ZNF215: variants seen among roughly 807,000 people sequenced by gnomAD.
ZNF215 encodes zinc finger protein 215.
ZNF215 carries 24 observed loss-of-function variants against 27.2 expected under a neutral mutation model. The ratio of observed to expected loss-of-function variants is 0.88; its 90% CI spans 0.64 to 1.24. The LOEUF is 1.24. Among genes scored for constraint, ZNF215 ranks in the 50% most tolerant of loss-of-function variants. ZNF215 has a pLI of 0.00. For missense variants in ZNF215, 675 were observed against 605.7 expected, an observed-to-expected ratio of 1.11 and a Z score of -1.20; for synonymous variants, 210 against 204.0, an observed-to-expected ratio of 1.03 and a Z score of -0.25.
At chr11:6,944,393 CT>C (rs74576992) in intron 6 of ZNF215, among the ~76,000 whole-genome samples, 718 of 136,530 alleles carry the variant, frequency 5.3e-3, no homozygotes, top group Non-Finnish European at 5.7e-3. Context: ...TCCATTTTTC[CT>C]TTTTTTTTTT....
chr11:6,972,503 A>C (rs1446842521), intron 5 of ZNF215, among the ~76,000 whole-genome samples: 1 of 152,108 alleles, frequency 6.6e-6, no homozygotes, highest in East Asian at 1.9e-4. Flanking sequence ...GAATAACTAC[A>C]AATACTGTAA....
At position 6,980,183 on chromosome 11, in the gene ZNF215, T is replaced by C. The variant is rs563473888; in HGVS notation, c.806-3946T>C. Among the ~76,000 whole-genome samples the C allele has an allele frequency of 1.7e-3, 254 of 152,186 alleles. 1 individual carries two copies. Among genetic ancestry groups the C allele is most frequent in the African/African-American group, 5.8e-3 (241 of 41,554 alleles). ...TGCCTTTTGTGTTTGTTAAAATTAC[T>C]GCAGTCATTGGAAGAAATCAAAATA... On this transcript the variant is annotated intron_variant, in intron 5 of 5. Transcript: ENST00000529903.
chr11:6,976,625 A>T (rs1367799889), intron 5 of ZNF215, among the ~76,000 whole-genome samples: 2 of 152,018 alleles, frequency 1.3e-5, no homozygotes, highest in Non-Finnish European at 2.9e-5. Flanking sequence ...TTTAAGAAGA[A>T]ATTGCTTCCT....
intron 2 of ZNF215, among the ~76,000 whole-genome samples, chr11:6,930,416 T>A (rs1004567327): frequency 6.6e-6 from 1 of 152,200 alleles, no homozygotes; most frequent in Non-Finnish European, 1.5e-5. Context: ...CACACTTAGG[T>A]CTCCAACTCT....
At chr11:6,955,578 C>A in intron 6 of ZNF215, 112 bp from the exon 7 acceptor site, 1 of 1,144,344 alleles carries the variant, frequency 8.7e-7, no homozygotes, top group Non-Finnish European at 1.2e-6. Context: ...CCTCACATTT[C>A]CATTCTGTAT....
intron 5 of ZNF215, chr11:6,983,987 CG>C (rs1352987106): frequency 1.3e-5 from 3 of 233,668 alleles, no homozygotes; most frequent in African/African-American, 7.1e-5. Context: ...TGAGACTAAA[CG>C]CCTAAAACAT....
At chr11:6,960,939 G>A (rs1029387718), downstream of ZNF215, among the ~76,000 whole-genome samples, 1 of 152,112 alleles carries the variant, frequency 6.6e-6, no homozygotes, top group African/African-American at 2.4e-5. Flanking sequence ...TGTCAGAGAA[G>A]TTTTGTTATT....
exon 6 of ZNF215, chr11:6,984,277 T>G: frequency 4.2e-6 from 1 of 240,788 alleles, no homozygotes; most frequent in South Asian, 3.8e-5. Flanking sequence ...CTAGCTAATT[T>G]TTTGTGTTTC....
At chr11:6,955,449 A>G (rs1850291667) in intron 6 of ZNF215, among the ~76,000 whole-genome samples, 1 of 152,132 alleles carries the variant, frequency 6.6e-6, no homozygotes. Context: ...AAGATATTTT[A>G]CTCGAGCCCT....
rs757318809 is a variant in ZNF215 at position 6,956,722 on chromosome 11, G to C, written c.*191G>C. On this transcript the variant is annotated 3_prime_UTR_variant, in exon 7 of 7. Transcript: ENST00000278319. ...GAAATCTGTTTGAAGGAATTTTCCT[G>C]GTTTTCAGATGAAGCCATAAGGCTT... The C allele has an allele frequency of 2.2e-6, 3 of 1,373,852 alleles. No homozygotes were observed. The African/African-American group carries it at 4.4e-5, about 20-fold the overall frequency. The allele number at this position is 1,373,852 out of a possible 1,614,324, so 85.1% of individuals were successfully genotyped here. A position where few individuals can be genotyped will look rare whatever the true frequency, so the allele number is the denominator to read the frequency against.
intron 5 of ZNF215, among the ~76,000 whole-genome samples, chr11:6,963,456 A>G (rs1850558043): frequency 1.3e-5 from 2 of 152,104 alleles, no homozygotes; most frequent in South Asian, 4.1e-4. Context: ...ACTATATATG[A>G]ACCATCTGAG....
chr11:6,962,706 C>G (rs994113451), downstream of ZNF215, among the ~76,000 whole-genome samples: 1 of 152,048 alleles, frequency 6.6e-6, no homozygotes, highest in Non-Finnish European at 1.5e-5. Context: ...GGATTTGTTA[C>G]AAATATCAGT....
chr11:6,993,269 G>A (rs148134388), downstream of ZNF215, among the ~76,000 whole-genome samples: 5 of 152,184 alleles, frequency 3.3e-5, no homozygotes, highest in South Asian at 2.1e-4. Flanking sequence ...TCTGCAACTC[G>A]CCTTGAATTC....
downstream of ZNF215, among the ~76,000 whole-genome samples, chr11:6,986,953 C>T (rs971837088): frequency 6.6e-6 from 1 of 152,136 alleles, no homozygotes; most frequent in African/African-American, 2.4e-5. Flanking sequence ...TAAACTAGTT[C>T]AGCCAACCGT....
In ZNF215 at chr11:6,955,875, G is replaced by T; in HGVS notation, c.898G>T (p.Asp300Tyr). 6.2e-7 allele frequency: 1 copy of T among 1,610,498 alleles called. No individual in the cohort carries two copies. The highest frequency in any genetic ancestry group is 8.5e-7 in the Non-Finnish European group (1 of 1,179,130). Residue 300 changes from aspartate (D) to tyrosine (Y), a missense_variant, in exon 7 of 7, where the codon GAT becomes TAT. Coordinates refer to ENST00000278319, the MANE Select transcript of ZNF215 (RefSeq NM_013250.4). ...IPETIYTEEE[D>Y]FECSENKKSF... Reference sequence around the variant, plus strand: ...TGAGACAATTTACACTGAGGAGGAAGATTTTGAATGTAGTGAAAATAAGAA... The same window carrying T: ...TGAGACAATTTACACTGAGGAGGAATATTTTGAATGTAGTGAAAATAAGAA...
rs757793977 is a variant in ZNF215 at position 6,932,431 on chromosome 11, T to C, written c.159T>C (p.His53=). 2 of 1,614,182 alleles carry C rather than the reference T, an allele frequency of 1.2e-6. No individual in the cohort carries two copies. The highest frequency in any genetic ancestry group is 1.7e-6 in the Non-Finnish European group (2 of 1,180,016). The change falls in exon 3 of 7, where the codon CAT becomes CAC. Residue 53 remains histidine (H), a synonymous_variant. Transcript: ENST00000278319. ...AGGCATCTCGTCAAAAGTTCAGACATTTCCAGTATTTGAAAGTGTCTGGGC... is the reference window on the plus strand; with the variant it reads ...AGGCATCTCGTCAAAAGTTCAGACACTTCCAGTATTTGAAAGTGTCTGGGC... ...DSEASRQKFR[H]FQYLKVSGPH... is the part of the protein sequence containing the mutation.
chr11:6,986,175 A>G (rs550881214), downstream of ZNF215, among the ~76,000 whole-genome samples: 3 of 152,312 alleles, frequency 2.0e-5, no homozygotes, highest in South Asian at 6.2e-4. Context: ...TGGTATAAAA[A>G]CAGACACATA....
At chr11:6,965,420 A>G (rs1417554538) in intron 5 of ZNF215, among the ~76,000 whole-genome samples, 1 of 152,108 alleles carries the variant, frequency 6.6e-6, no homozygotes, top group Non-Finnish European at 1.5e-5. Context: ...TAGTGTACAA[A>G]TGTGTTCACT....
At chr11:6,935,665 T>G (rs756075427) in intron 3 of ZNF215, among the ~76,000 whole-genome samples, 1 of 151,974 alleles carries the variant, frequency 6.6e-6, no homozygotes, top group Non-Finnish European at 1.5e-5. Flanking sequence ...AAAAAAAGAT[T>G]AAAAAGGAAA....
Sources: allele counts gnomAD v4.1 joint callset (sites outside exome capture counted in the v4.1 genomes callset), GRCh38; gene constraint gnomAD v4.1.1; transcripts MANE v1.5; gene names NCBI Gene and HGNC (gene_info 2026-07-23, HGNC 2026-07-21).